The following PRKN variants were observed in gnomAD, a reference collection of about 807,000 sequenced individuals.
The protein encoded by PRKN is E3 ubiquitin-protein ligase parkin.
A neutral mutation model predicts 59.5 loss-of-function variants in PRKN; 56 were observed. The observed-to-expected ratio is 0.94, with a 90% confidence interval of 0.76 to 1.18. The LOEUF (loss-of-function observed/expected upper bound fraction) is 1.18, where lower values mean the gene tolerates loss of function less well. Among genes scored for constraint, PRKN ranks in the 50% most tolerant of loss-of-function variants. The pLI, the probability that PRKN is intolerant of heterozygous loss-of-function variation, is 0.00. For synonymous variants in PRKN, 250 were observed against 222.1 expected, an observed-to-expected ratio of 1.13 and a Z score of -1.12; for missense variants, 657 against 596.4, an observed-to-expected ratio of 1.10 and a Z score of -1.06.
At chr6:162,681,125 A>G (rs950857288) in intron 1 of PRKN, among the ~76,000 whole-genome samples, 1 of 152,194 alleles carries the variant, frequency 6.6e-6, no homozygotes, top group Non-Finnish European at 1.5e-5. Context: ...ACAGAACAGC[A>G]CATGCACTCT....
intron 1 of PRKN, among the ~76,000 whole-genome samples, chr6:162,650,610 A>AG (rs1270875918): frequency 1.2e-4 from 18 of 151,444 alleles, no homozygotes; most frequent in Non-Finnish European, 5.9e-5. Context: ...AAAAAAAAAA[A>AG]AAAAAGAAAA....
At chr6:162,608,622 T>C (rs553464881) in intron 1 of PRKN, among the ~76,000 whole-genome samples, 37 of 152,234 alleles carry the variant, frequency 2.4e-4, no homozygotes, top group African/African-American at 8.7e-4. Flanking sequence ...AGAGTAAAAA[T>C]GTCACCAATC....
At chr6:161,857,375 A>G (rs140775934) in intron 6 of PRKN, among the ~76,000 whole-genome samples, 13 of 152,336 alleles carry the variant, frequency 8.5e-5, no homozygotes, top group Admixed American at 2.6e-4. Flanking sequence ...AACTTTACTT[A>G]CAAAACAGGT....
intron 1 of PRKN, among the ~76,000 whole-genome samples, chr6:162,677,014 C>T (rs73022466): frequency 1.6e-3 from 234 of 143,364 alleles, no homozygotes; most frequent in Non-Finnish European, 2.5e-3. Flanking sequence ...TGGGCAGAGA[C>T]GGTGCAACTG....
chr6:162,491,634 G>C (rs544951900), intron 1 of PRKN, among the ~76,000 whole-genome samples: 6 of 152,298 alleles, frequency 3.9e-5, no homozygotes, highest in East Asian at 3.9e-4. Flanking sequence ...ACACAAGCCT[G>C]GGGGAGCAAG....
At chr6:162,625,512 C>T (rs1012090231) in intron 1 of PRKN, among the ~76,000 whole-genome samples, 5 of 152,174 alleles carry the variant, frequency 3.3e-5, no homozygotes, top group African/African-American at 1.2e-4. Flanking sequence ...CAAGTGTCTT[C>T]AGGGTTTACT....
chr6:162,693,974 A>T (rs1480123509), intron 1 of PRKN, among the ~76,000 whole-genome samples: 2 of 152,144 alleles, frequency 1.3e-5, no homozygotes. Flanking sequence ...GAGGTCAGGC[A>T]CGGTGGCTCA....
At chr6:161,985,090 T>C (rs760657956) in intron 5 of PRKN, among the ~76,000 whole-genome samples, 31 of 152,200 alleles carry the variant, frequency 2.0e-4, no homozygotes, top group Non-Finnish European at 3.5e-4. Flanking sequence ...TTGGAGATTG[T>C]AACTTGTCTC....
intron 5 of PRKN, among the ~76,000 whole-genome samples, chr6:162,047,096 CTGAGTTT>C (rs1365717768): frequency 6.6e-6 from 1 of 152,160 alleles, no homozygotes; most frequent in African/African-American, 2.4e-5. Flanking sequence ...CAATCATAAT[CTGAGTTT>C]GACTTCAAAG....
At chr6:162,568,367 C>T in intron 1 of PRKN, 1 of 413,758 alleles carries the variant, frequency 2.4e-6, no homozygotes, top group Middle Eastern at 4.5e-4. Flanking sequence ...TGCCTCTACT[C>T]CTGCCTCCAC....
At chr6:161,398,015 A>AG (rs1185870068) in intron 9 of PRKN, among the ~76,000 whole-genome samples, 2 of 152,178 alleles carry the variant, frequency 1.3e-5, no homozygotes, top group Non-Finnish European at 2.9e-5. Context: ...CTAGCCAGAG[A>AG]GGGGGCAGGA....
intron 4 of PRKN, among the ~76,000 whole-genome samples, chr6:162,105,167 A>AAATCTGAG (rs1780139658): frequency 6.6e-6 from 1 of 152,192 alleles, no homozygotes; most frequent in Non-Finnish European, 1.5e-5. Flanking sequence ...CGGGGATAGA[A>AAATCTGAG]AATCTGAGAG....
At chr6:162,579,471 C>T (rs978190703) in intron 1 of PRKN, among the ~76,000 whole-genome samples, 1 of 151,830 alleles carries the variant, frequency 6.6e-6, no homozygotes, top group Non-Finnish European at 1.5e-5. Context: ...CTTTCACACA[C>T]ATATCCAGAC....
chr6:161,738,954 C>T (rs572802130), intron 7 of PRKN, among the ~76,000 whole-genome samples: 1 of 152,272 alleles, frequency 6.6e-6, no homozygotes, highest in South Asian at 2.1e-4. Context: ...CTGTGGGAAA[C>T]AGGTATACAG....
chr6:161,799,823 A>G (rs1207869000), intron 6 of PRKN, among the ~76,000 whole-genome samples: 1 of 152,228 alleles, frequency 6.6e-6, no homozygotes, highest in Non-Finnish European at 1.5e-5. Context: ...TGCCATCTCA[A>G]TGACAAGCCA....
In PRKN at chr6:161,841,820, T is replaced by C. The variant is rs538699090; in HGVS notation, c.735-55912A>G. On this transcript the variant is annotated intron_variant, in intron 6 of 11. Transcript: ENST00000366898. ...CGGCCTGCCTACAGCAAGAATCCTA[T>C]TGGCAAATAATTACTTTGCCTTCTG... Among the ~76,000 whole-genome samples, 12 of 152,350 alleles carry C rather than the reference T, an allele frequency of 7.9e-5. No homozygotes were observed. The East Asian group carries it at 1.2e-3, about 15-fold the overall frequency.
In PRKN at chr6:162,325,048, G is replaced by GA. The variant is rs903481544; in HGVS notation, c.172-62284dup. Among the ~76,000 whole-genome samples the GA allele has an allele frequency of 4.9e-4, 73 of 149,996 alleles. No homozygotes were observed. The South Asian group carries it at 8.2e-3, about 17-fold the overall frequency. Reference sequence around the variant, plus strand: ...AGCAGAACGAGGATATTTTAATTTGGAAAAAAAAATCCATAAATACACAAG... The same window carrying GA: ...AGCAGAACGAGGATATTTTAATTTGGAAAAAAAAAATCCATAAATACACAAG... On this transcript the variant is annotated intron_variant, in intron 2 of 11. Transcript: ENST00000366898.
chr6:161,600,051 A>G (rs1035862132), intron 7 of PRKN, among the ~76,000 whole-genome samples: 7 of 152,178 alleles, frequency 4.6e-5, no homozygotes, highest in Non-Finnish European at 7.3e-5. Flanking sequence ...ACATTCAATT[A>G]ATGATATAAT....
At chr6:161,866,272 T>C (rs1794106726) in intron 6 of PRKN, among the ~76,000 whole-genome samples, 1 of 151,956 alleles carries the variant, frequency 6.6e-6, no homozygotes, top group South Asian at 2.1e-4. Context: ...AAGTTAAATA[T>C]TGTGAAAATT....
Sources: allele counts gnomAD v4.1 joint callset (sites outside exome capture counted in the v4.1 genomes callset), GRCh38; gene constraint gnomAD v4.1.1; transcripts MANE v1.5; gene names NCBI Gene and HGNC (gene_info 2026-07-23, HGNC 2026-07-21).